The following PDZD2 variants were observed in gnomAD, a reference collection of about 807,000 sequenced individuals.
PDZD2 encodes PDZ domain containing 2, also known as PDZ domain-containing protein 2.
Under a neutral mutation model 220.7 loss-of-function variants are expected in PDZD2, and 90 were observed. The observed-to-expected ratio is 0.41, with a 90% confidence interval of 0.34 to 0.49. The LOEUF is 0.49. Among genes scored for constraint, PDZD2 ranks in the 20% least tolerant of loss-of-function variants. The pLI is 0.28. For missense variants in PDZD2, 3,174 were observed against 3,608.5 expected (o/e 0.88, Z 3.08); for synonymous variants, 1,375 against 1,450.5 (o/e 0.95, Z 1.18).
At chr5:31,881,376 T>TA (rs58820360) in intron 2 of PDZD2, among the ~76,000 whole-genome samples, 1,896 of 125,184 alleles carry the variant, frequency 0.015, 47 homozygotes, top group African/African-American at 0.053. Context: ...GTGTATATAT[T>TA]TTTTTTTTTT....
chr5:31,773,465 C>A (rs1448282875), intron 1 of PDZD2, among the ~76,000 whole-genome samples: 4 of 148,078 alleles, frequency 2.7e-5, no homozygotes, highest in African/African-American at 1.0e-4. Flanking sequence ...ATGGCAAAAC[C>A]CTGTCTCTAC....
intron 2 of PDZD2, among the ~76,000 whole-genome samples, chr5:31,905,162 G>A (rs1439191130): frequency 6.6e-6 from 1 of 151,954 alleles, no homozygotes; most frequent in Non-Finnish European, 1.5e-5. Flanking sequence ...TTCTTTCTTA[G>A]TAGAGAGGAG....
intron 1 of PDZD2, among the ~76,000 whole-genome samples, chr5:31,713,339 T>C (rs7725382): frequency 0.18 from 27,969 of 152,170 alleles, 2,694 homozygotes; most frequent in African/African-American, 0.23. Flanking sequence ...TGGATTTCTA[T>C]AACCTTGGGC....
At position 32,002,144 on chromosome 5, in the gene PDZD2, A is replaced by T. The variant is rs141802128; in HGVS notation, c.1254+1873A>T. On this transcript the variant is annotated intron_variant, in intron 5 of 24. Transcript: ENST00000438447. ...GAAGAACATTTTGGGCTATCCAAAAAATCTGCTTTCCTTTCTTTACACCTT... is the reference window on the plus strand; with the variant it reads ...GAAGAACATTTTGGGCTATCCAAAATATCTGCTTTCCTTTCTTTACACCTT... Among the ~76,000 whole-genome samples, 7 of 152,322 alleles carry T rather than the reference A, an allele frequency of 4.6e-5. No individual in the cohort carries two copies. The East Asian group carries it at 7.7e-4, about 17-fold the overall frequency.
Position 32,088,499 on chromosome 5 carries a change from C to T in PDZD2, c.5051C>T (p.Thr1684Ile), listed in dbSNP as rs775038768. 1 of 1,614,182 alleles carries T rather than the reference C, an allele frequency of 6.2e-7. No homozygotes were observed. The highest frequency in any genetic ancestry group is 1.1e-5 in the South Asian group (1 of 91,084). The change falls in exon 20 of 25, where the codon ACT becomes ATT. Residue 1684 changes from threonine to isoleucine, a missense_variant. By Grantham distance (89) the Thr-to-Ile change is moderately conservative. Transcript: ENST00000438447. This position sits in a 1 kb window ranked among gnomAD's most constrained non-coding sequence, Gnocchi z 4.6. ...QEHETHADIS[T>I]SQNHRPSCAE... ...CATGAAACTCATGCGGACATAAGCA[C>T]TTCACAGAACCACAGGCCCTCGTGT...
intron 1 of PDZD2, among the ~76,000 whole-genome samples, chr5:31,687,825 C>T (rs2150126337): frequency 6.6e-6 from 1 of 152,278 alleles, no homozygotes; most frequent in East Asian, 1.9e-4. Context: ...CCTATGAGGG[C>T]ACTAGTTCTA....
chr5:31,679,278 C>T (rs537437340), intron 1 of PDZD2, among the ~76,000 whole-genome samples: 1 of 152,242 alleles, frequency 6.6e-6, no homozygotes, highest in Non-Finnish European at 1.5e-5. Flanking sequence ...GCAAAATATT[C>T]TTTCGCTTTT....
intron 23 of PDZD2, chr5:32,100,091 G>A (rs1446617183): frequency 6.6e-6 from 1 of 152,276 alleles, no homozygotes; most frequent in Non-Finnish European, 1.5e-5. Context: ...GGTGACTCCA[G>A]TATGCAGCCA....
At chr5:31,746,081 G>A (rs1274019092) in intron 1 of PDZD2, among the ~76,000 whole-genome samples, 1 of 151,330 alleles carries the variant, frequency 6.6e-6, no homozygotes, top group South Asian at 2.1e-4. Context: ...GGTTTGGTCT[G>A]ATTGGAAGTC....
rs889927861 is a variant in PDZD2 at position 32,109,422 on chromosome 5, T to C, written c.*1287T>C. The C allele has an allele frequency of 6.6e-6, 1 of 152,324 alleles. No homozygotes were observed. The highest frequency in any genetic ancestry group is 2.4e-5 in the African/African-American group (1 of 41,580). The allele number at this position is 152,324 out of a possible 1,614,324, so 9.4% of individuals were successfully genotyped here. ...GGAAACTCACTCTGGCCACTCCTCC[T>C]CTGGTGGCATGAGCTGCTTCCCAGT... On this transcript the variant is annotated 3_prime_UTR_variant, in exon 25 of 25. Transcript: ENST00000438447.
chr5:32,093,350 T>C (rs1165598639), intron 21 of PDZD2, among the ~76,000 whole-genome samples: 1 of 152,172 alleles, frequency 6.6e-6, no homozygotes, highest in Non-Finnish European at 1.5e-5. Context: ...GCTAGTCATC[T>C]CGGAAATACC....
chr5:32,060,434 G>A (rs1447875774), intron 13 of PDZD2, among the ~76,000 whole-genome samples: 3 of 152,122 alleles, frequency 2.0e-5, no homozygotes, highest in South Asian at 2.1e-4. Context: ...AATTTGAAAC[G>A]TTTTTACAAA....
At position 32,010,460 on chromosome 5, in the gene PDZD2, C is replaced by G; in HGVS notation, c.1385C>G (p.Thr462Ser). 1 of 1,612,394 alleles carries G rather than the reference C, an allele frequency of 6.2e-7. No individual in the cohort carries two copies. The highest frequency in any genetic ancestry group is 2.2e-5 in the East Asian group (1 of 44,872). ...GCAGACGGGGAAGAGGACGAAGGAACCAGCTCTTCTGTCCAGAGAGCAGTA... is the reference window on the plus strand; with the variant it reads ...GCAGACGGGGAAGAGGACGAAGGAAGCAGCTCTTCTGTCCAGAGAGCAGTA... ...QEADGEEDEGTSSSVQRAMPG... is the reference protein window; with the variant it reads ...QEADGEEDEGSSSSVQRAMPG... The change falls in exon 6 of 25, where the codon ACC becomes AGC. Residue 462 changes from threonine (T) to serine (S), a missense_variant. Thr to Ser is a moderately conservative substitution (Grantham distance 58, BLOSUM62 1). Transcript: ENST00000438447.
chr5:32,018,751 G>A (rs1171536940), intron 6 of PDZD2, among the ~76,000 whole-genome samples: 3 of 152,168 alleles, frequency 2.0e-5, no homozygotes, highest in Admixed American at 6.5e-5. Context: ...TCACTTAGAC[G>A]TTCCTTAAGC....
chr5:32,045,116 A>G (rs1737804153), intron 7 of PDZD2, among the ~76,000 whole-genome samples: 1 of 152,142 alleles, frequency 6.6e-6, no homozygotes, highest in South Asian at 2.1e-4. Flanking sequence ...GCTCAAAAGG[A>G]ATTTTCTACT....
intron 1 of PDZD2, among the ~76,000 whole-genome samples, chr5:31,696,549 A>G (rs1747386919): frequency 6.6e-6 from 1 of 152,092 alleles, no homozygotes; most frequent in African/African-American, 2.4e-5. Flanking sequence ...GTGATCTACA[A>G]GTCTTGGCCT....
chr5:31,774,425 T>C (rs1035365760), intron 1 of PDZD2, among the ~76,000 whole-genome samples: 1 of 152,064 alleles, frequency 6.6e-6, no homozygotes, highest in East Asian at 1.9e-4. Flanking sequence ...AAAAACTACT[T>C]GTTAGTGGCT....
intron 1 of PDZD2, chr5:31,725,548 G>A (rs1490874507): frequency 6.9e-6 from 10 of 1,448,178 alleles, no homozygotes; most frequent in Non-Finnish European, 9.4e-6. Flanking sequence ...ACTGGACTTA[G>A]GACTAGTCCA....
At chr5:31,819,945 A>G (rs778256990) in intron 2 of PDZD2, among the ~76,000 whole-genome samples, 1 of 152,186 alleles carries the variant, frequency 6.6e-6, no homozygotes, top group Non-Finnish European at 1.5e-5. Flanking sequence ...TTACCCACAC[A>G]ATGGGTGGGT....
Sources: gnomAD v4.1 joint callset for allele counts (sites outside exome capture counted in the v4.1 genomes callset) on GRCh38, gnomAD v4.1.1 for gene constraint, Gnocchi (gnomAD v3.1) non-coding constraint, MANE v1.5 for transcripts, NCBI Gene and HGNC (gene_info 2026-07-23, HGNC 2026-07-21) for gene names.